GRM3: variants seen among roughly 807,000 people sequenced by gnomAD.
The protein encoded by GRM3 is glutamate metabotropic receptor 3.
A neutral mutation model predicts 70.5 loss-of-function variants in GRM3; 26 were observed. The observed-to-expected ratio is 0.37, with a 90% CI of 0.27 to 0.51. The LOEUF (loss-of-function observed/expected upper bound fraction) is 0.51. Among genes scored for constraint, GRM3 ranks in the 20% least tolerant of loss-of-function variants. The pLI is 0.93. For missense variants in GRM3, 859 were observed against 1,123.8 expected (o/e 0.76, Z 3.37); for synonymous variants, 443 against 434.9 (o/e 1.02, Z -0.23).
At chr7:86,774,152 A>G (rs1391327362) in intron 2 of GRM3, among the ~76,000 whole-genome samples, 1 of 152,174 alleles carries the variant, frequency 6.6e-6, no homozygotes. Context: ...CCAAATTACC[A>G]TTAAATATGT....
chr7:86,656,758 C>G (rs1562815091), intron 1 of GRM3, among the ~76,000 whole-genome samples: 1 of 151,944 alleles, frequency 6.6e-6, no homozygotes, highest in African/African-American at 2.4e-5. Context: ...AATAATACAG[C>G]TTAAGTTTAA....
intron 1 of GRM3, among the ~76,000 whole-genome samples, chr7:86,751,765 T>C (rs1796237808): frequency 6.6e-6 from 1 of 152,076 alleles, no homozygotes; most frequent in Non-Finnish European, 1.5e-5. Context: ...GCTATTATAA[T>C]GAGAAGGAGG....
At chr7:86,820,092 GT>G in intron 3 of GRM3, among the ~76,000 whole-genome samples, 1 of 152,230 alleles carries the variant, frequency 6.6e-6, no homozygotes, top group African/African-American at 2.4e-5. Context: ...AGTGATTTAA[GT>G]TTATACTCTG....
chr7:86,696,087 T>C (rs1460965586), intron 1 of GRM3, among the ~76,000 whole-genome samples: 1 of 152,204 alleles, frequency 6.6e-6, no homozygotes, highest in Admixed American at 6.5e-5. Flanking sequence ...CCTGGCCTTC[T>C]ATTGCTTTCT....
intron 1 of GRM3, among the ~76,000 whole-genome samples, chr7:86,760,214 C>G (rs1339151484): frequency 6.6e-6 from 1 of 152,070 alleles, no homozygotes; most frequent in Non-Finnish European, 1.5e-5. Flanking sequence ...AAGTGCATTT[C>G]ATTTCCGACA....
chr7:86,716,747 G>A (rs1795326937), intron 1 of GRM3, among the ~76,000 whole-genome samples: 1 of 151,628 alleles, frequency 6.6e-6, no homozygotes, highest in Admixed American at 6.6e-5. Context: ...CCCAATTTGA[G>A]GCTTATAATT....
intron 5 of GRM3, 72 bp downstream of exon 5, chr7:86,850,616 C>A: frequency 1.1e-6 from 1 of 949,578 alleles, no homozygotes; most frequent in Non-Finnish European, 1.7e-6. Context: ...CAAGAACAGG[C>A]AACACATGTC....
chr7:86,734,611 A>G (rs1366867258), intron 1 of GRM3, among the ~76,000 whole-genome samples: 1 of 152,214 alleles, frequency 6.6e-6, no homozygotes, highest in Non-Finnish European at 1.5e-5. Flanking sequence ...CTCAGCATGC[A>G]GCCTCAAACC....
In GRM3 at chr7:86,839,538, A is replaced by T. The variant is rs745373953; in HGVS notation, c.2024A>T (p.Asn675Ile). The change falls in exon 4 of 6, where the codon AAT (asparagine) becomes ATT (isoleucine). Residue 675 changes from asparagine to isoleucine, a missense_variant. By Grantham distance (149) the Asn-to-Ile change is moderately radical. Transcript: ENST00000361669. This position sits in a 1 kb window ranked among gnomAD's most constrained non-coding sequence, Gnocchi z 4.5. ...GCCCGCATCTTCGATGGGGTCAAGAATGGCGCTCAGAGGCCAAAATTCATC... is the reference window on the plus strand; with the variant it reads ...GCCCGCATCTTCGATGGGGTCAAGATTGGCGCTCAGAGGCCAAAATTCATC... The part of the protein sequence containing the change: ...CIARIFDGVK[N>I]GAQRPKFISP... 5.0e-6 allele frequency: 8 copies of T among 1,608,544 alleles called. No individual in the cohort carries two copies. The East Asian group carries it at 1.8e-4, about 36-fold the overall frequency.
At position 86,839,473 on chromosome 7, in the gene GRM3, T is replaced by A. The variant is rs1798520219; in HGVS notation, c.1959T>A (p.Ala653=). 7 of 1,612,108 alleles carry A rather than the reference T, an allele frequency of 4.3e-6. No individual in the cohort carries two copies. The highest frequency in any genetic ancestry group is 5.9e-6 in the Non-Finnish European group (7 of 1,178,822). ...GACTCGGGCTGGGGAGTTCCTTCGC[T>A]ATCTGTTACTCAGCCCTGCTGACCA... The part of the protein sequence containing the change: ...LRRLGLGSSF[A]ICYSALLTKT... Residue 653 remains alanine, a synonymous_variant, in exon 4 of 6, where the codon GCT becomes GCA. Transcript: ENST00000361669. This position sits in a 1 kb window ranked among gnomAD's most constrained non-coding sequence, Gnocchi z 4.5.
intron 1 of GRM3, among the ~76,000 whole-genome samples, chr7:86,678,415 A>G (rs1794358887): frequency 6.6e-6 from 1 of 152,068 alleles, no homozygotes; most frequent in Non-Finnish European, 1.5e-5. Flanking sequence ...CATTCCTGCA[A>G]GGAGAAAAAG....
intron 1 of GRM3, among the ~76,000 whole-genome samples, chr7:86,748,628 T>G (rs1796159941): frequency 6.6e-6 from 1 of 152,034 alleles, no homozygotes; most frequent in Non-Finnish European, 1.5e-5. Flanking sequence ...ACTAAAACAT[T>G]TTATAATCTA....
chr7:86,839,059 CAATGA>C lies in GRM3; in HGVS notation c.1552_1556del (p.Met518GlufsTer16). The stretch of plus-strand genomic sequence containing the variant: ...CCCAGTGCAGCGACCCCTGTGCCCC[CAATGA>C]AATGAAGAATATGCAACCAGGGGAT... On this transcript the variant is annotated frameshift_variant, in exon 4 of 6. Transcript: ENST00000361669. LOFTEE classifies it high-confidence loss of function. The surrounding 1 kb of genome is among the most constrained non-coding windows in gnomAD (Gnocchi z 4.5). The C allele has an allele frequency of 1.2e-6, 2 of 1,613,940 alleles. No homozygotes were observed. Among genetic ancestry groups the C allele is most frequent in the Non-Finnish European group, 1.7e-6 (2 of 1,179,840 alleles).
chr7:86,668,583 C>T (rs1055716431), intron 1 of GRM3, among the ~76,000 whole-genome samples: 13 of 151,996 alleles, frequency 8.6e-5, no homozygotes, highest in Admixed American at 5.2e-4. Flanking sequence ...TTCTAATGAC[C>T]CCGTCTTTAG....
chr7:86,645,052 A>G (rs1793423721), intron 1 of GRM3, 180 bp downstream of exon 1: 1 of 354,950 alleles, frequency 2.8e-6, no homozygotes, highest in African/African-American at 2.2e-5. Context: ...TGCATGAGTG[A>G]GAGTTTGTGT....
Position 86,644,679 on chromosome 7 carries a change from A to G in GRM3, c.-334A>G. On this transcript the variant is annotated 5_prime_UTR_variant, in exon 1 of 6. Coordinates refer to ENST00000361669, the MANE Select transcript of GRM3 (RefSeq NM_000840.3). ...AGGGGCAGGGGGCACTGTGACAGGA[A>G]GCTGCGCGCACAAGTTGGCCATTTC... 1 of 682,190 alleles carries G rather than the reference A, an allele frequency of 1.5e-6. No homozygotes were observed. Among genetic ancestry groups the G allele is most frequent in the Non-Finnish European group, 2.3e-6 (1 of 433,094 alleles). 42.3% of individuals were successfully genotyped at this position (682,190 alleles called of 1,614,324 possible). A position where few individuals can be genotyped will look rare whatever the true frequency, so the allele number is the denominator to read the frequency against.
chr7:86,806,245 A>G (rs561135422), intron 3 of GRM3, among the ~76,000 whole-genome samples: 25 of 152,242 alleles, frequency 1.6e-4, no homozygotes, highest in African/African-American at 5.8e-4. Flanking sequence ...ATGATTTATA[A>G]TCCTTTGTGT....
intron 3 of GRM3, among the ~76,000 whole-genome samples, chr7:86,789,764 A>G (rs556214439): frequency 1.2e-4 from 19 of 152,352 alleles, no homozygotes; most frequent in African/African-American, 4.3e-4. Context: ...TCATCATTAT[A>G]GGATTAAAAA....
At chr7:86,709,522 G>A (rs1235513368) in intron 1 of GRM3, among the ~76,000 whole-genome samples, 4 of 151,926 alleles carry the variant, frequency 2.6e-5, no homozygotes, top group Non-Finnish European at 5.9e-5. Context: ...TCAACCTCAG[G>A]TAAGAAATGC....
Sources: gnomAD v4.1 joint callset for allele counts (sites outside exome capture counted in the v4.1 genomes callset) on GRCh38, gnomAD v4.1.1 for gene constraint, Gnocchi (gnomAD v3.1) non-coding constraint, MANE v1.5 for transcripts, NCBI Gene and HGNC (gene_info 2026-07-23, HGNC 2026-07-21) for gene names.